Variants in C8orf58 observed in about 807,000 individuals in gnomAD.
The protein encoded by C8orf58 is chromosome 8 open reading frame 58.
In C8orf58, 31 loss-of-function variants were observed where a neutral mutation model predicts 36.8. That is an observed-to-expected ratio of 0.84 (90% CI 0.63 to 1.14). The LOEUF (loss-of-function observed/expected upper bound fraction) is 1.14. Among genes scored for constraint, C8orf58 ranks in the 50% most tolerant of loss-of-function variants. C8orf58 has a pLI of 0.00. For missense variants in C8orf58, 538 were observed against 480.8 expected (o/e 1.12, Z -1.11); for synonymous variants, 230 against 200.2 (o/e 1.15, Z -1.26).
chr8:22,603,000 TG>T (rs1800914787), intron 6 of C8orf58, 194 bp from the exon 7 acceptor site: 1 of 603,540 alleles, frequency 1.7e-6, no homozygotes, highest in Non-Finnish European at 2.9e-6. Flanking sequence ...GATTTCACAG[TG>T]GGTGAAGGCC....
chr8:22,603,505 G>T lies in C8orf58; in HGVS notation c.*199G>T. 1 of 628,546 alleles carries T rather than the reference G, an allele frequency of 1.6e-6. No individual in the cohort carries two copies. Among genetic ancestry groups the T allele is most frequent in the Non-Finnish European group, 2.9e-6 (1 of 345,696 alleles). The allele number at this position is 628,546 out of a possible 1,614,324, so 38.9% of individuals were successfully genotyped here. ...TGGTTTCTTGAGAGGCCCCCAAGAT[G>T]CCGCAGCTCCAGGGCTCTTCCTCCT... On this transcript the variant is annotated 3_prime_UTR_variant, in exon 7 of 7. Coordinates refer to ENST00000289989, the MANE Select transcript of C8orf58 (RefSeq NM_001013842.3).
chr8:22,599,903 C>T (rs1168862263), intron 1 of C8orf58, 143 bp downstream of exon 1: 3 of 392,504 alleles, frequency 7.6e-6, no homozygotes, highest in African/African-American at 2.1e-5. Flanking sequence ...CCTCCCTCGC[C>T]GCCTCCCTGG....
rs773605548 is a variant in C8orf58, at chr8:22,601,065, T to C, written c.224T>C (p.Val75Ala). 3 of 1,612,794 alleles carry C rather than the reference T, an allele frequency of 1.9e-6. No individual in the cohort carries two copies. The highest frequency in any genetic ancestry group is 1.3e-5 in the African/African-American group (1 of 75,068). The change falls in exon 2 of 7, where the codon GTT becomes GCT. Residue 75 changes from valine (V) to alanine (A), a missense_variant. Transcript: ENST00000289989. ...CGGGACTCAGGAGTGGAGATGGCAGTTGGGGACAGCCCCCTGGCCGCCTTA... is the reference window on the plus strand; with the variant it reads ...CGGGACTCAGGAGTGGAGATGGCAGCTGGGGACAGCCCCCTGGCCGCCTTA... Reference protein sequence around the residue: ...ASRDSGVEMAVGDSPLAALPG... With the variant: ...ASRDSGVEMAAGDSPLAALPG...
intron 6 of C8orf58, 173 bp downstream of exon 6, chr8:22,602,816 G>A (rs926137483): frequency 2.9e-5 from 17 of 590,776 alleles, no homozygotes; most frequent in Non-Finnish European, 4.8e-5. Context: ...TAAGGAGGCA[G>A]GGTTCTGGGT....
rs913282878 is a variant in C8orf58, at chr8:22,600,839, G to T, written c.41-43G>T. 9 of 1,501,634 alleles carry T rather than the reference G, an allele frequency of 6.0e-6. No homozygotes were observed. In the African/African-American group the frequency reaches 1.2e-4, roughly 21 times the overall value. The allele number at this position is 1,501,634 out of a possible 1,614,324, so 93.0% of individuals were successfully genotyped here. A position where few individuals can be genotyped will look rare whatever the true frequency, so the allele number is the denominator to read the frequency against. On this transcript the variant is annotated intron_variant, in intron 1 of 6. Transcript: ENST00000289989. ...GCCAGCCTTCAGGAATGCTGGGGGT[G>T]TTGGGGGTGGCCTGCCCAGCCTGAC...
chr8:22,601,866 G>T lies in C8orf58; in HGVS notation c.657+14G>T, dbSNP rs61566363. On this transcript the variant is annotated intron_variant, in intron 3 of 6. Coordinates refer to ENST00000289989, the MANE Select transcript of C8orf58 (RefSeq NM_001013842.3). Reference sequence around the variant, plus strand: ...AGGCCCCCAGGGGTGAGTGAGATTCGAGTGGGGGAGGGAGAGGACAGATGG... The same window carrying T: ...AGGCCCCCAGGGGTGAGTGAGATTCTAGTGGGGGAGGGAGAGGACAGATGG... 3 of 1,595,492 alleles carry T rather than the reference G, an allele frequency of 1.9e-6. No individual in the cohort carries two copies. In the Admixed American group the frequency reaches 5.2e-5, roughly 28 times the overall value.
In C8orf58 at chr8:22,603,330, C is replaced by G. The variant is rs773207976; in HGVS notation, c.*24C>G. 21 of 1,533,844 alleles carry G rather than the reference C, an allele frequency of 1.4e-5. No individual in the cohort carries two copies. The highest frequency in any genetic ancestry group is 1.7e-4 in the Middle Eastern group (1 of 5,910). ...GAGACCTCTCGGTGCACCTGGTGACCCTGGGTGGAGGGGACTTGCTGTGAA... is the reference window on the plus strand; with the variant it reads ...GAGACCTCTCGGTGCACCTGGTGACGCTGGGTGGAGGGGACTTGCTGTGAA... On this transcript the variant is annotated 3_prime_UTR_variant, in exon 7 of 7. Coordinates refer to ENST00000289989, the MANE Select transcript of C8orf58 (RefSeq NM_001013842.3).
chr8:22,603,482 G>A lies in C8orf58; in HGVS notation c.*176G>A. ...CTAAGCAGTCTGGTCAGGAACCTTG[G>A]TTTCTTGAGAGGCCCCCAAGATGCC... On this transcript the variant is annotated 3_prime_UTR_variant, in exon 7 of 7. Coordinates refer to ENST00000289989, the MANE Select transcript of C8orf58 (RefSeq NM_001013842.3). 2 of 662,314 alleles carry A rather than the reference G, an allele frequency of 3.0e-6. No individual in the cohort carries two copies. Among genetic ancestry groups the A allele is most frequent in the South Asian group, 3.1e-5 (2 of 64,424 alleles). The allele number at this position is 662,314 out of a possible 1,614,324, so 41.0% of individuals were successfully genotyped here. A position where few individuals can be genotyped will look rare whatever the true frequency, so the allele number is the denominator to read the frequency against.
rs940786741 is a variant in C8orf58 at position 22,601,155 on chromosome 8, T to C, written c.314T>C (p.Val105Ala). ...GGGAGTTCTGAGCCCCCCGCCCAGG[T>C]AGGCCGACTCCTGGCCAGCCAGAAG... ...SSGSSEPPAQ[V>A]GRLLASQKLG... The change falls in exon 2 of 7, where the codon GTA becomes GCA. Residue 105 changes from valine to alanine, a missense_variant. Val to Ala is a moderately conservative substitution (Grantham distance 64, BLOSUM62 0). Coordinates refer to ENST00000289989, the MANE Select transcript of C8orf58 (RefSeq NM_001013842.3). 6.2e-7 allele frequency: 1 copy of C among 1,610,640 alleles called. No homozygotes were observed. Among genetic ancestry groups the C allele is most frequent in the Non-Finnish European group, 8.5e-7 (1 of 1,179,322 alleles).
chr8:22,603,237 C>G lies in C8orf58; in HGVS notation c.1029C>G (p.Pro343=). 1 of 1,614,072 alleles carries G rather than the reference C, an allele frequency of 6.2e-7. No homozygotes were observed. Among genetic ancestry groups the G allele is most frequent in the South Asian group, 1.1e-5 (1 of 91,086 alleles). Residue 343 remains proline, a synonymous_variant, in exon 7 of 7, where the codon CCC becomes CCG. Transcript: ENST00000289989. The part of the protein sequence containing the change: ...RDLPERPQCR[P]HRKTFMPSLV... ...TCCCTGAAAGGCCTCAGTGCCGCCC[C>G]CACCGGAAGACCTTTATGCCATCAT...
chr8:22,604,058 T>C lies in C8orf58; in HGVS notation c.*752T>C, dbSNP rs1226853194. 6.4e-6 allele frequency: 1 copy of C among 155,496 alleles called. No homozygotes were observed. The highest frequency in any genetic ancestry group is 2.4e-5 in the African/African-American group (1 of 41,474). The allele number at this position is 155,496 out of a possible 1,614,324, so 9.6% of individuals were successfully genotyped here. On this transcript the variant is annotated 3_prime_UTR_variant, in exon 7 of 7. Transcript: ENST00000289989. ...CAAGTCAACCTTTCTGAGCCACAGCTTCCCGCTGGGAATAATGATGCCTGC... is the reference window on the plus strand; with the variant it reads ...CAAGTCAACCTTTCTGAGCCACAGCCTCCCGCTGGGAATAATGATGCCTGC...
rs111912235 is a variant in C8orf58, at chr8:22,600,173, C to T, written c.40+413C>T. The T allele has an allele frequency of 5.3e-4, 91 of 172,718 alleles. 2 individuals are homozygous for T. The highest frequency in any genetic ancestry group is 2.0e-3 in the African/African-American group (84 of 42,356). 10.7% of individuals were successfully genotyped at this position (172,718 alleles called of 1,614,324 possible). A position where few individuals can be genotyped will look rare whatever the true frequency, so the allele number is the denominator to read the frequency against. On this transcript the variant is annotated intron_variant, in intron 1 of 6. Transcript: ENST00000289989. ...CTCCCGCGTGCCCCGCAGCTCGTCC[C>T]CGCCCCCCTAGCCTGTTTCCCGTAC...
In C8orf58 at chr8:22,601,991, C is replaced by A. The variant is rs149466621; in HGVS notation, c.677C>A (p.Ser226Ter). 6 of 1,556,280 alleles carry A rather than the reference C, an allele frequency of 3.9e-6. No individual in the cohort carries two copies. The highest frequency in any genetic ancestry group is 5.2e-6 in the Non-Finnish European group (6 of 1,147,708). The change falls in exon 4 of 7, where the codon TCG becomes TAG. Residue 226 changes from serine to a stop codon, truncating the protein, a stop_gained. Transcript: ENST00000289989. LOFTEE classifies it high-confidence loss of function. ...GCATAGGATCCCGGCGAGGAGGAGT[C>A]GACCCGAGCCCCTTTACCGTCCCCG... Reference protein sequence around the residue: ...RPPGDPGEEESTRAPLPSPLH... With the variant: ...RPPGDPGEEE
At position 22,603,285 on chromosome 8, in the gene C8orf58, A is replaced by G; in HGVS notation, c.1077A>G (p.Ala359=). The change falls in exon 7 of 7, where the codon GCA becomes GCG. Residue 359 remains alanine (A), a synonymous_variant. Coordinates refer to ENST00000289989, the MANE Select transcript of C8orf58 (RefSeq NM_001013842.3). ...CATTAGTGGTTAAGAAGCAACGAGC[A>G]AAAAACCTTTCTGTAGGCTGAGACC... is the stretch of plus-strand genomic sequence containing the variant. The part of the protein sequence containing the change: ...MPSLVVKKQR[A]KNLSVG 6.2e-7 allele frequency: 1 copy of G among 1,613,774 alleles called. No homozygotes were observed. The highest frequency in any genetic ancestry group is 8.5e-7 in the Non-Finnish European group (1 of 1,179,870).
rs368626009 is a variant in C8orf58, at chr8:22,601,205, C to T, written c.364C>T (p.Arg122Cys). The T allele has an allele frequency of 1.3e-5, 21 of 1,608,978 alleles. No individual in the cohort carries two copies. The highest frequency in any genetic ancestry group is 5.0e-5 in the Admixed American group (3 of 59,676). Residue 122 changes from arginine (R) to cysteine (C), a missense_variant, in exon 2 of 7, where the codon CGC becomes TGC. Physicochemically the swap from Arg to Cys is radical, Grantham distance 180. Coordinates refer to ENST00000289989, the MANE Select transcript of C8orf58 (RefSeq NM_001013842.3). ...GCTGGGGGAGGTGTTGGAGCGGTCC[C>T]GCCGGCTCCCAACAGCTCCCACCAG... ...QKLGEVLERS[R>C]RLPTAPTSLS...
In C8orf58 at chr8:22,603,610, G is replaced by C; in HGVS notation, c.*304G>C. The C allele has an allele frequency of 2.1e-6, 1 of 467,216 alleles. No individual in the cohort carries two copies. The highest frequency in any genetic ancestry group is 2.1e-5 in the South Asian group (1 of 48,706). 28.9% of individuals were successfully genotyped at this position (467,216 alleles called of 1,614,324 possible). On this transcript the variant is annotated 3_prime_UTR_variant, in exon 7 of 7. Coordinates refer to ENST00000289989, the MANE Select transcript of C8orf58 (RefSeq NM_001013842.3). ...TGGAGTGTTTTTGGCATGGTGACCT[G>C]TCTGGGCCCAGCATGTTGCAGATGT...
Position 22,602,239 on chromosome 8 carries a change from G to A in C8orf58, c.806G>A (p.Ser269Asn). ...AASPPKVEVP[S>N]ANPPRLPETP... ...TCACCCCCAAAGGTGGAGGTGCCCA[G>A]TGCCAACCCTCCCAGGCTGCCAGAA... Residue 269 changes from serine to asparagine, a missense_variant, in exon 5 of 7, where the codon AGT becomes AAT. By Grantham distance (46) the Ser-to-Asn change is conservative (BLOSUM62 1). Coordinates refer to ENST00000289989, the MANE Select transcript of C8orf58 (RefSeq NM_001013842.3). 6.2e-7 allele frequency: 1 copy of A among 1,607,808 alleles called. No homozygotes were observed. Among genetic ancestry groups the A allele is most frequent in the Non-Finnish European group, 8.5e-7 (1 of 1,178,090 alleles).
At chr8:22,600,795 T>G in intron 1 of C8orf58, 87 bp from the exon 2 acceptor site, 1 of 1,168,492 alleles carries the variant, frequency 8.6e-7, no homozygotes, top group Non-Finnish European at 1.2e-6. Context: ...TCCGGGACAC[T>G]TCTCCCTGGG....
chr8:22,602,130 A>T, intron 4 of C8orf58, 50 bp downstream of exon 4: 1 of 1,549,808 alleles, frequency 6.5e-7, no homozygotes, highest in South Asian at 1.2e-5. Flanking sequence ...GGGTCCCACC[A>T]GCAGGTCCTC....
Sources: gnomAD v4.1 joint callset for allele counts on GRCh38, gnomAD v4.1.1 for gene constraint, MANE v1.5 for transcripts, NCBI Gene and HGNC (gene_info 2026-07-23, HGNC 2026-07-21) for gene names.